The following CDH19 variants were observed in gnomAD, a reference collection of about 807,000 sequenced individuals.
The protein encoded by CDH19 is cadherin-19.
A neutral mutation model predicts 64.2 loss-of-function variants in CDH19; 67 were observed. That is an observed-to-expected ratio of 1.04 (90% CI 0.86 to 1.28). The LOEUF (loss-of-function observed/expected upper bound fraction) is 1.28. Ranked by LOEUF, CDH19 falls within the 50% of genes most tolerant of loss-of-function variation. The probability of loss-of-function intolerance (pLI) is 0.00; values close to 1 mark genes in which losing one functional copy is unlikely to be tolerated. For missense variants in CDH19, 1,030 were observed against 929.0 expected (o/e 1.11, Z -1.41); for synonymous variants, 346 against 319.3 (o/e 1.08, Z -0.89).
At position 66,569,486 on chromosome 18, in the gene CDH19, G is replaced by A. The variant is rs556112581; in HGVS notation, c.196-776C>T. On this transcript the variant is annotated intron_variant, in intron 2 of 11. Coordinates refer to ENST00000262150, the MANE Select transcript of CDH19 (RefSeq NM_021153.4). ...CAGTTACATCTTCTTTAGCCCTTGG[G>A]TTTTAGCCATAAAGTATAAAACTTT... is the stretch of plus-strand genomic sequence containing the variant. Among the ~76,000 whole-genome samples, 10 of 151,570 alleles carry A rather than the reference G, an allele frequency of 6.6e-5. No individual in the cohort carries two copies. In the South Asian group the frequency reaches 1.7e-3, roughly 25 times the overall value.
chr18:66,532,624 G>T, intron 8 of CDH19: 1 of 386,180 alleles, frequency 2.6e-6, no homozygotes, highest in South Asian at 1.9e-5. Flanking sequence ...AAGTTTCTTG[G>T]AAGCTTTAGG....
chr18:66,571,675 G>A (rs1384470453), intron 2 of CDH19, among the ~76,000 whole-genome samples: 2 of 151,448 alleles, frequency 1.3e-5, no homozygotes, highest in Admixed American at 1.3e-4. Flanking sequence ...ACAGAAAATC[G>A]GGCTAAATAC....
chr18:66,522,170 A>G (rs7230934), intron 9 of CDH19, among the ~76,000 whole-genome samples: 35,374 of 150,824 alleles, frequency 0.23, 4,410 homozygotes, highest in Middle Eastern at 0.33. Context: ...GAATGGTCTC[A>G]ATCTCCTGAC....
Position 66,528,502 on chromosome 18 carries a change from C to T in CDH19, c.1458+1343G>A, listed in dbSNP as rs75446922. 4.3e-3 allele frequency among the ~76,000 whole-genome samples: 649 copies of T among 152,186 alleles called. 6 individuals carry two copies. The East Asian group carries it at 0.051, about 12-fold the overall frequency. ...GGTTCTAACCCATTAGAAATGAGTG[C>T]TTTAAATTTTTAAAGTCATTTGTAT... On this transcript the variant is annotated intron_variant, in intron 9 of 11. Transcript: ENST00000262150.
chr18:66,536,151 G>A (rs962429773), intron 7 of CDH19, among the ~76,000 whole-genome samples: 10 of 151,268 alleles, frequency 6.6e-5, no homozygotes, highest in African/African-American at 2.4e-4. Context: ...TAATAACTAG[G>A]GTTCAATAAT....
chr18:66,558,550 T>A (rs751188096), intron 3 of CDH19, among the ~76,000 whole-genome samples: 2 of 151,912 alleles, frequency 1.3e-5, no homozygotes, highest in Non-Finnish European at 2.9e-5. Flanking sequence ...GAGATCACAA[T>A]AATAATTAAA....
rs116482935 is a variant in CDH19, at chr18:66,600,984, G to A, written c.-113+2970C>T. Reference sequence around the variant, plus strand: ...TTTCTCATCAAATACTATGGGGGAAGAGTTACATTTTGCTTTACCAGTTCA... The same window carrying A: ...TTTCTCATCAAATACTATGGGGGAAAAGTTACATTTTGCTTTACCAGTTCA... On this transcript the variant is annotated intron_variant, in intron 1 of 11. Transcript: ENST00000262150. 2.7e-3 allele frequency among the ~76,000 whole-genome samples: 404 copies of A among 151,976 alleles called. 2 individuals carry two copies. Among genetic ancestry groups the A allele is most frequent in the African/African-American group, 9.2e-3 (384 of 41,542 alleles).
At chr18:66,583,129 T>A (rs555494634) in intron 1 of CDH19, among the ~76,000 whole-genome samples, 8 of 152,232 alleles carry the variant, frequency 5.3e-5, no homozygotes, top group African/African-American at 1.7e-4. Flanking sequence ...GTCTTTACCA[T>A]CTTTGCAGTC....
chr18:66,510,170 G>T (rs1985403585), intron 10 of CDH19, among the ~76,000 whole-genome samples: 1 of 151,540 alleles, frequency 6.6e-6, no homozygotes, highest in African/African-American at 2.4e-5. Flanking sequence ...GAAAATAAAA[G>T]CCTTTTGAAA....
In CDH19 at chr18:66,503,682, A is replaced by T. The variant is rs1985044084; in HGVS notation, c.*1130T>A. On this transcript the variant is annotated 3_prime_UTR_variant, in exon 12 of 12. Transcript: ENST00000262150. ...GCATATGAAAAAAAATCTATGACAA[A>T]CACCTAAATATATTTTCCTTTTTAA... The T allele has an allele frequency of 6.6e-6, 1 of 151,902 alleles. No homozygotes were observed. The allele number at this position is 151,902 out of a possible 1,614,324, so 9.4% of individuals were successfully genotyped here.
intron 1 of CDH19, among the ~76,000 whole-genome samples, chr18:66,594,853 T>TG (rs1988840279): frequency 2.3e-5 from 2 of 86,674 alleles, no homozygotes; most frequent in Admixed American, 3.5e-4. Flanking sequence ...TGGGGACTGT[T>TG]GTGGGGTGGG....
chr18:66,558,662 C>T (rs1410129262), intron 3 of CDH19, among the ~76,000 whole-genome samples: 1 of 151,846 alleles, frequency 6.6e-6, no homozygotes, highest in East Asian at 1.9e-4. Flanking sequence ...GTACATTCAC[C>T]TGTAGTTAGG....
chr18:66,574,291 T>C (rs1471473820), intron 1 of CDH19, among the ~76,000 whole-genome samples: 1 of 151,686 alleles, frequency 6.6e-6, no homozygotes, highest in African/African-American at 2.4e-5. Flanking sequence ...TATAAAATAT[T>C]CATCAAAAAT....
intron 1 of CDH19, among the ~76,000 whole-genome samples, chr18:66,572,595 C>T (rs1270842044): frequency 6.6e-6 from 1 of 151,550 alleles, no homozygotes; most frequent in East Asian, 1.9e-4. Flanking sequence ...GGATTGACAG[C>T]TGACATTGAG....
intron 8 of CDH19, 51 bp from the exon 9 acceptor site, chr18:66,530,017 T>C: frequency 1.1e-6 from 1 of 943,362 alleles, no homozygotes; most frequent in South Asian, 2.3e-5. Context: ...AATATGTCTT[T>C]AGAAGAGACA....
At chr18:66,584,920 A>G (rs924560398) in intron 1 of CDH19, among the ~76,000 whole-genome samples, 1 of 152,100 alleles carries the variant, frequency 6.6e-6, no homozygotes, top group Non-Finnish European at 1.5e-5. Context: ...TCCTTTGATT[A>G]TTTCAGAAGA....
chr18:66,539,421 T>C (rs914655861), intron 7 of CDH19, among the ~76,000 whole-genome samples: 3 of 152,142 alleles, frequency 2.0e-5, no homozygotes, highest in African/African-American at 7.2e-5. Flanking sequence ...AGATACTCTG[T>C]ATCTGTTTAA....
At chr18:66,512,752 G>A (rs1289905863) in intron 9 of CDH19, among the ~76,000 whole-genome samples, 1 of 151,286 alleles carries the variant, frequency 6.6e-6, no homozygotes, top group Non-Finnish European at 1.5e-5. Context: ...TTTATGTTAA[G>A]GTAAAGCCTT....
intron 9 of CDH19, among the ~76,000 whole-genome samples, chr18:66,517,443 A>G (rs1985786563): frequency 6.6e-6 from 1 of 152,134 alleles, no homozygotes. Context: ...TGGCAAAGGC[A>G]AATTACCCTG....
Sources: allele counts gnomAD v4.1 joint callset (sites outside exome capture counted in the v4.1 genomes callset), GRCh38; gene constraint gnomAD v4.1.1; transcripts MANE v1.5; gene names NCBI Gene and HGNC (gene_info 2026-07-23, HGNC 2026-07-21).